The following TFCP2 variants were observed in gnomAD, a reference collection of about 807,000 sequenced individuals.
TFCP2 encodes transcription factor CP2.
A neutral mutation model predicts 73.4 loss-of-function variants in TFCP2; 33 were observed. That is an observed-to-expected ratio of 0.45 (90% CI 0.34 to 0.60). TFCP2 has a LOEUF of 0.60. TFCP2 is among the 20% of genes least tolerant of loss of function. The pLI is 0.01. For missense variants in TFCP2, 352 were observed against 604.0 expected (o/e 0.58, Z 4.37); for synonymous variants, 193 against 211.6 (o/e 0.91, Z 0.76).
Position 51,107,228 on chromosome 12 carries a change from CT to C in TFCP2, c.828+7del. 1.3e-6 allele frequency: 2 copies of C among 1,582,544 alleles called. No homozygotes were observed. Among genetic ancestry groups the C allele is most frequent in the Non-Finnish European group, 1.7e-6 (2 of 1,167,778 alleles). ...AACTGAAATTGTCACCAAAAGAAAT[CT>C]TTTTACCTCTGTGAGTATGGTTGTC... On this transcript the variant is annotated splice_region_variant and intron_variant, in intron 7 of 14. Transcript: ENST00000257915.
intron 11 of TFCP2, among the ~76,000 whole-genome samples, 169 bp from the exon 12 acceptor site, chr12:51,099,948 GT>G (rs55976164): frequency 6.4e-4 from 96 of 149,412 alleles, no homozygotes; most frequent in African/African-American, 2.2e-3. Flanking sequence ...CAGTAGTAGG[GT>G]TTTTTTTTTC....
intron 1 of TFCP2, among the ~76,000 whole-genome samples, chr12:51,141,548 C>T (rs1338533480): frequency 6.6e-6 from 1 of 152,084 alleles, no homozygotes; most frequent in Admixed American, 6.6e-5. Context: ...ATCCTAGGTA[C>T]TTAATAAACA....
At chr12:51,114,197 T>C (rs1302281212) in intron 4 of TFCP2, among the ~76,000 whole-genome samples, 2 of 152,212 alleles carry the variant, frequency 1.3e-5, no homozygotes, top group Admixed American at 6.5e-5. Context: ...ATATCTGCTA[T>C]GGGGTTAATA....
intron 1 of TFCP2, among the ~76,000 whole-genome samples, chr12:51,169,262 A>G (rs1211115937): frequency 1.3e-5 from 2 of 151,902 alleles, no homozygotes; most frequent in Admixed American, 6.6e-5. Flanking sequence ...GCACTTTGGG[A>G]GGCTGAGACG....
At position 51,171,402 on chromosome 12, in the gene TFCP2, G is replaced by C. The variant is rs950408261; in HGVS notation, c.122+899C>G. ...TTTGTTTTGCTTTGTTTTTCAAATG[G>C]AGTCTCACTTTGTTGCCCAGGCTGG... On this transcript the variant is annotated intron_variant, in intron 1 of 14. Transcript: ENST00000257915. Among the ~76,000 whole-genome samples, 4 of 152,224 alleles carry C rather than the reference G, an allele frequency of 2.6e-5. No individual in the cohort carries two copies. The South Asian group carries it at 8.3e-4, about 32-fold the overall frequency.
intron 1 of TFCP2, among the ~76,000 whole-genome samples, chr12:51,119,120 T>C (rs1422089349): frequency 1.3e-5 from 2 of 152,214 alleles, no homozygotes; most frequent in Non-Finnish European, 2.9e-5. Context: ...GCAACAACTA[T>C]ACTATCTATA....
chr12:51,169,236 C>T (rs1463841874), intron 1 of TFCP2, among the ~76,000 whole-genome samples: 4 of 151,954 alleles, frequency 2.6e-5, no homozygotes, highest in South Asian at 2.1e-4. Context: ...CAGTGGCTCA[C>T]GCCTGTAATC....
intron 4 of TFCP2, among the ~76,000 whole-genome samples, chr12:51,113,566 G>A (rs548518696): frequency 3.9e-5 from 6 of 152,050 alleles, no homozygotes; most frequent in Non-Finnish European, 8.8e-5. Context: ...CTTTACAAAC[G>A]CAAAACAAAA....
At chr12:51,119,945 G>A (rs1001440163) in intron 1 of TFCP2, among the ~76,000 whole-genome samples, 16 of 151,738 alleles carry the variant, frequency 1.1e-4, no homozygotes, top group African/African-American at 2.4e-4. Flanking sequence ...TCGGGAGGCC[G>A]AGGCGGGTGG....
At chr12:51,171,373 T>C (rs1439441150) in intron 1 of TFCP2, among the ~76,000 whole-genome samples, 3 of 152,140 alleles carry the variant, frequency 2.0e-5, no homozygotes. Flanking sequence ...AAAGGAGTTT[T>C]TGTTTTGTTT....
At chr12:51,132,092 G>A (rs1310462214) in intron 1 of TFCP2, among the ~76,000 whole-genome samples, 2 of 151,954 alleles carry the variant, frequency 1.3e-5, no homozygotes, top group African/African-American at 4.8e-5. Context: ...CTGCTTGTGG[G>A]GGAAATGAAT....
At chr12:51,156,485 C>A (rs1224108476) in intron 1 of TFCP2, among the ~76,000 whole-genome samples, 2 of 152,160 alleles carry the variant, frequency 1.3e-5, no homozygotes, top group Non-Finnish European at 2.9e-5. Context: ...CTAGGCCCCA[C>A]CCACCTCCAA....
intron 1 of TFCP2, among the ~76,000 whole-genome samples, chr12:51,170,119 CAT>C (rs1239304804): frequency 6.6e-6 from 1 of 152,160 alleles, no homozygotes; most frequent in Non-Finnish European, 1.5e-5. Context: ...GTCAGACGCT[CAT>C]GTGTAAGTTC....
At chr12:51,137,444 T>A (rs1371838350) in intron 1 of TFCP2, among the ~76,000 whole-genome samples, 1 of 152,192 alleles carries the variant, frequency 6.6e-6, no homozygotes, top group Admixed American at 6.5e-5. Context: ...GCTTGTAAGA[T>A]ATTAAAAGTT....
intron 1 of TFCP2, among the ~76,000 whole-genome samples, chr12:51,150,452 A>G (rs895406119): frequency 4.6e-5 from 7 of 152,188 alleles, no homozygotes; most frequent in African/African-American, 1.7e-4. Flanking sequence ...TTTAAAAAGT[A>G]ATGAATTAAA....
chr12:51,104,075 T>C (rs1940174191), intron 9 of TFCP2, 80 bp downstream of exon 9: 2 of 1,334,220 alleles, frequency 1.5e-6, no homozygotes, highest in Admixed American at 3.4e-5. Context: ...TCCCTAAAAG[T>C]TGGGCATTTC....
Position 51,125,994 on chromosome 12 carries a change from G to T in TFCP2, c.123-7222C>A, listed in dbSNP as rs536299762. Among the ~76,000 whole-genome samples, 12 of 152,234 alleles carry T rather than the reference G, an allele frequency of 7.9e-5. No homozygotes were observed. The East Asian group carries it at 2.3e-3, about 29-fold the overall frequency. ...GCCTGTAATCCCAGCACTTTGGGAG[G>T]CTGAGGCAGGTGGATCACGAGGTCA... On this transcript the variant is annotated intron_variant, in intron 1 of 14. Coordinates refer to ENST00000257915, the MANE Select transcript of TFCP2 (RefSeq NM_005653.5).
At chr12:51,109,700 G>A (rs1428148518) in intron 5 of TFCP2, among the ~76,000 whole-genome samples, 1 of 145,934 alleles carries the variant, frequency 6.9e-6, no homozygotes, top group East Asian at 2.0e-4. Flanking sequence ...ACTGCATAAA[G>A]TCTAAGATTG....
intron 1 of TFCP2, among the ~76,000 whole-genome samples, chr12:51,149,416 A>T (rs984412376): frequency 6.8e-6 from 1 of 147,896 alleles, no homozygotes; most frequent in Non-Finnish European, 1.5e-5. Context: ...CAAAAACCTT[A>T]AAAAAAAAAG....
Sources: allele counts gnomAD v4.1 joint callset (sites outside exome capture counted in the v4.1 genomes callset), GRCh38; gene constraint gnomAD v4.1.1; transcripts MANE v1.5; gene names NCBI Gene and HGNC (gene_info 2026-07-23, HGNC 2026-07-21).